The following CACHD1 variants were observed in gnomAD, a reference collection of about 807,000 sequenced individuals.
CACHD1 encodes cache domain containing 1.
A neutral mutation model predicts 138.7 loss-of-function variants in CACHD1; 71 were observed. The ratio of observed to expected loss-of-function variants is 0.51; its 90% CI spans 0.42 to 0.62. CACHD1 has a LOEUF of 0.62. Ranked by LOEUF, CACHD1 falls within the 20% of genes least tolerant of loss-of-function variation. The probability of loss-of-function intolerance (pLI) is 0.00; values close to 1 mark genes in which losing one functional copy is unlikely to be tolerated. For synonymous variants in CACHD1, 578 were observed against 591.5 expected, an observed-to-expected ratio of 0.98 and a Z score of 0.33; for missense variants, 1,389 against 1,625.3, an observed-to-expected ratio of 0.85 and a Z score of 2.50.
chr1:64,621,646 A>G (rs971815102), intron 4 of CACHD1, among the ~76,000 whole-genome samples: 1 of 152,208 alleles, frequency 6.6e-6, no homozygotes. Context: ...AACCTGAAGG[A>G]TTAAAAAAGA....
intron 25 of CACHD1, 77 bp from the exon 26 acceptor site, chr1:64,681,928 C>A: frequency 8.2e-7 from 1 of 1,216,756 alleles, no homozygotes; most frequent in Non-Finnish European, 1.2e-6. Flanking sequence ...GTAAATGAGC[C>A]CTCTCAGAGC....
chr1:64,472,923 T>C (rs1331246191), intron 1 of CACHD1, among the ~76,000 whole-genome samples: 2 of 151,890 alleles, frequency 1.3e-5, no homozygotes, highest in Non-Finnish European at 2.9e-5. Flanking sequence ...GACAGCCATT[T>C]TACTGTTTCT....
chr1:64,514,199 C>T (rs546644345), intron 1 of CACHD1, among the ~76,000 whole-genome samples: 1 of 152,302 alleles, frequency 6.6e-6, no homozygotes, highest in Non-Finnish European at 1.5e-5. Flanking sequence ...GAACATCCCC[C>T]AGTTAAGAAT....
intron 8 of CACHD1, among the ~76,000 whole-genome samples, chr1:64,643,036 TAAAAAAAAAAAAAA>T (rs139320316): frequency 7.8e-4 from 26 of 33,356 alleles, no homozygotes; most frequent in South Asian, 4.3e-3. Context: ...AGACTCTGTC[TAAAAAAAAAAAAAA>T]AAAAAAAAAA....
chr1:64,531,585 T>C (rs192241640), intron 1 of CACHD1, among the ~76,000 whole-genome samples: 13 of 152,148 alleles, frequency 8.5e-5, no homozygotes, highest in Admixed American at 8.5e-4. Flanking sequence ...AAAGACTGTC[T>C]TGAAGAACTT....
chr1:64,476,723 T>C (rs747065799), intron 1 of CACHD1, among the ~76,000 whole-genome samples: 3 of 152,246 alleles, frequency 2.0e-5, no homozygotes, highest in Non-Finnish European at 2.9e-5. Context: ...TTCTCACTAA[T>C]GCCTATCTTT....
intron 25 of CACHD1, 143 bp downstream of exon 25, chr1:64,681,478 A>G (rs1169362529): frequency 1.5e-5 from 7 of 479,256 alleles, no homozygotes; most frequent in Non-Finnish European, 2.5e-5. Flanking sequence ...GTTTTTTTCC[A>G]TCCTTTTTTG....
intron 1 of CACHD1, among the ~76,000 whole-genome samples, chr1:64,483,742 A>T (rs1293751684): frequency 1.3e-5 from 2 of 151,216 alleles, no homozygotes; most frequent in African/African-American, 4.9e-5. Flanking sequence ...GTCAGATGTC[A>T]TACCTCTGCT....
At chr1:64,541,792 A>G (rs1163654862) in intron 1 of CACHD1, among the ~76,000 whole-genome samples, 1 of 152,218 alleles carries the variant, frequency 6.6e-6, no homozygotes, top group Non-Finnish European at 1.5e-5. Flanking sequence ...TGATCATGCC[A>G]CTGCACTCCA....
chr1:64,603,736 CATATTT>C (rs1457779080), intron 4 of CACHD1, among the ~76,000 whole-genome samples: 3 of 152,170 alleles, frequency 2.0e-5, no homozygotes, highest in Admixed American at 2.0e-4. Flanking sequence ...ACTGGGTACT[CATATTT>C]ATATAACTAC....
chr1:64,477,791 C>T (rs1306852972), intron 1 of CACHD1, among the ~76,000 whole-genome samples: 4 of 150,762 alleles, frequency 2.7e-5, no homozygotes, highest in Non-Finnish European at 3.0e-5. Context: ...CCTGCCACCG[C>T]GCCCGGCTAA....
chr1:64,611,328 G>A (rs983930614), intron 4 of CACHD1, among the ~76,000 whole-genome samples: 1 of 152,124 alleles, frequency 6.6e-6, no homozygotes, highest in Admixed American at 6.5e-5. Flanking sequence ...CAGGAAATGG[G>A]TTTTTCTTTT....
At position 64,635,106 on chromosome 1, in the gene CACHD1, A is replaced by G. The variant is rs540288705; in HGVS notation, c.1006+846A>G. 5.3e-5 allele frequency among the ~76,000 whole-genome samples: 8 copies of G among 151,598 alleles called. 1 individual carries two copies. Among genetic ancestry groups the G allele is most frequent in the South Asian group, 4.2e-4 (2 of 4,788 alleles). On this transcript the variant is annotated intron_variant, in intron 7 of 26. Transcript: ENST00000651257. ...TTTTTCTCATCTTTTCCAATCAAAG[A>G]TGGTCAGTCTGTACAATTTCTTGAC...
chr1:64,652,645 C>T (rs1649134422), intron 10 of CACHD1, among the ~76,000 whole-genome samples: 2 of 152,168 alleles, frequency 1.3e-5, no homozygotes, highest in Admixed American at 6.5e-5. Context: ...TGAAAACAAT[C>T]GCAGTATCCC....
chr1:64,595,186 C>T (rs138348934), intron 3 of CACHD1, among the ~76,000 whole-genome samples: 2 of 152,180 alleles, frequency 1.3e-5, no homozygotes, highest in Non-Finnish European at 2.9e-5. Flanking sequence ...TCATACCACT[C>T]ACAGTTGTCT....
At chr1:64,472,442 T>C (rs1240611288) in intron 1 of CACHD1, among the ~76,000 whole-genome samples, 2 of 152,112 alleles carry the variant, frequency 1.3e-5, no homozygotes, top group Non-Finnish European at 2.9e-5. Flanking sequence ...AGTGGATGGA[T>C]TTTGAAAGGT....
intron 4 of CACHD1, among the ~76,000 whole-genome samples, chr1:64,609,329 T>C (rs970857821): frequency 2.0e-5 from 3 of 152,200 alleles, no homozygotes; most frequent in African/African-American, 7.2e-5. Context: ...TTATGCCCAA[T>C]TGCTTCAGCT....
intron 1 of CACHD1, among the ~76,000 whole-genome samples, chr1:64,479,853 G>A (rs1646198575): frequency 6.6e-6 from 1 of 152,192 alleles, no homozygotes; most frequent in African/African-American, 2.4e-5. Context: ...GCTGCTGCTT[G>A]TGCCCAAGTT....
intron 15 of CACHD1, 43 bp from the exon 16 acceptor site, chr1:64,666,013 TA>T (rs777583388): frequency 8.2e-7 from 1 of 1,217,106 alleles, no homozygotes; most frequent in South Asian, 1.4e-5. Flanking sequence ...TCAAAAAAAA[TA>T]AATAAAAAAT....
Sources: gnomAD v4.1 joint callset for allele counts (sites outside exome capture counted in the v4.1 genomes callset) on GRCh38, gnomAD v4.1.1 for gene constraint, MANE v1.5 for transcripts, NCBI Gene and HGNC (gene_info 2026-07-23, HGNC 2026-07-21) for gene names.